SCAPER: variants seen among roughly 807,000 people sequenced by gnomAD.
SCAPER encodes S phase cyclin A-associated protein in the endoplasmic reticulum.
In SCAPER, 98 loss-of-function variants were observed where a neutral mutation model predicts 182.2. The observed-to-expected ratio is 0.54, with a 90% confidence interval of 0.46 to 0.64. The LOEUF is 0.64. Among genes scored for constraint, SCAPER ranks in the 30% least tolerant of loss-of-function variants. The pLI, the probability that SCAPER is intolerant of heterozygous loss-of-function variation, is 0.00. For synonymous variants in SCAPER, 605 were observed against 564.6 expected (o/e 1.07, Z -1.01); for missense variants, 1,432 against 1,690.0 (o/e 0.85, Z 2.68).
rs2065804798 is a variant in SCAPER at position 76,801,679 on chromosome 15, G to A, written c.495-1315C>T. ...CCATTCCTGTAATCCCAGCACTTTG[G>A]GAGGCCAAGGAGGGCAGATCACTCG... On this transcript the variant is annotated intron_variant, in intron 6 of 31. Transcript: ENST00000563290. Among the ~76,000 whole-genome samples the A allele has an allele frequency of 4.0e-5, 6 of 151,898 alleles. No individual in the cohort carries two copies. The South Asian group carries it at 1.3e-3, about 32-fold the overall frequency.
At chr15:76,577,637 C>A (rs1426573178) in intron 22 of SCAPER, among the ~76,000 whole-genome samples, 1 of 151,988 alleles carries the variant, frequency 6.6e-6, no homozygotes, top group Non-Finnish European at 1.5e-5. Context: ...AAGACCCAGT[C>A]CTGGAAGGAT....
chr15:76,506,749 A>G (rs1441982756), intron 23 of SCAPER, among the ~76,000 whole-genome samples: 2 of 152,172 alleles, frequency 1.3e-5, no homozygotes, highest in Non-Finnish European at 2.9e-5. Flanking sequence ...CTCTACTAGA[A>G]TATTTGTCTT....
At chr15:76,640,297 A>C (rs188921650) in intron 21 of SCAPER, among the ~76,000 whole-genome samples, 11 of 152,368 alleles carry the variant, frequency 7.2e-5, no homozygotes, top group Admixed American at 5.2e-4. Context: ...AGTTTAGAAC[A>C]TAGATTACAA....
chr15:76,376,691 A>G (rs968809236), intron 28 of SCAPER, among the ~76,000 whole-genome samples: 1 of 152,220 alleles, frequency 6.6e-6, no homozygotes, highest in Non-Finnish European at 1.5e-5. Flanking sequence ...CCATTTAGCT[A>G]AATTCCAACA....
Position 76,774,836 on chromosome 15 carries a change from G to C in SCAPER, c.1035+19C>G. The C allele has an allele frequency of 3.1e-6, 5 of 1,594,492 alleles. No individual in the cohort carries two copies. Among genetic ancestry groups the C allele is most frequent in the Non-Finnish European group, 4.3e-6 (5 of 1,170,682 alleles). On this transcript the variant is annotated intron_variant, in intron 9 of 31. Coordinates refer to ENST00000563290, the MANE Select transcript of SCAPER (RefSeq NM_020843.4). ...ACACCTTTGAAAAAGACAGTAAAAGGATTTTCAGAATGTACTACCTGGGTT... is the reference window on the plus strand; with the variant it reads ...ACACCTTTGAAAAAGACAGTAAAAGCATTTTCAGAATGTACTACCTGGGTT...
intron 8 of SCAPER, among the ~76,000 whole-genome samples, chr15:76,780,098 G>A (rs138221946): frequency 6.6e-6 from 1 of 152,340 alleles, no homozygotes; most frequent in Non-Finnish European, 1.5e-5. Context: ...GAAATACAAG[G>A]GATCCAGGGA....
At chr15:76,559,199 T>TC in intron 23 of SCAPER, among the ~76,000 whole-genome samples, 1 of 81,598 alleles carries the variant, frequency 1.2e-5, no homozygotes, top group African/African-American at 4.0e-5. Flanking sequence ...CACACCCAGC[T>TC]AATTTTTTTT....
At chr15:76,573,691 T>A in intron 23 of SCAPER, among the ~76,000 whole-genome samples, 1 of 152,128 alleles carries the variant, frequency 6.6e-6, no homozygotes, top group South Asian at 2.1e-4. Flanking sequence ...AATAAATACT[T>A]TAAAAATCAC....
At chr15:76,349,606 C>G in intron 31 of SCAPER, 1 of 151,104 alleles carries the variant, frequency 6.6e-6, no homozygotes, top group East Asian at 1.9e-4. Flanking sequence ...TTAATCTAGG[C>G]AAAAGGGGAA....
At chr15:76,850,871 A>G (rs1444753069) in intron 4 of SCAPER, among the ~76,000 whole-genome samples, 2 of 151,578 alleles carry the variant, frequency 1.3e-5, no homozygotes, top group Non-Finnish European at 2.9e-5. Flanking sequence ...AAAAAAAAAA[A>G]AAAAAAGAAA....
chr15:76,700,353 GC>G (rs1858947025), intron 20 of SCAPER, among the ~76,000 whole-genome samples: 2 of 152,274 alleles, frequency 1.3e-5, no homozygotes, highest in East Asian at 3.9e-4. Context: ...ACCTCTCCAA[GC>G]AATTCTCCCT....
intron 2 of SCAPER, among the ~76,000 whole-genome samples, chr15:76,865,425 G>A (rs1176270923): frequency 2.0e-5 from 3 of 151,978 alleles, no homozygotes; most frequent in African/African-American, 4.8e-5. Context: ...GGTATAGTAG[G>A]GTCAAAATCC....
Position 76,674,159 on chromosome 15 carries a change from G to A in SCAPER, c.2509-8370C>T, listed in dbSNP as rs969569131. 4.6e-5 allele frequency among the ~76,000 whole-genome samples: 7 copies of A among 152,208 alleles called. No individual in the cohort carries two copies. In the East Asian group the frequency reaches 1.3e-3, roughly 29 times the overall value. On this transcript the variant is annotated intron_variant, in intron 20 of 31. Transcript: ENST00000563290. ...TATAAATGTATTACAAATAATAAAT[G>A]AAAATGAAATGCAGAACTGGAATAT...
At chr15:76,585,796 C>T (rs1387276524) in intron 22 of SCAPER, among the ~76,000 whole-genome samples, 1 of 152,134 alleles carries the variant, frequency 6.6e-6, no homozygotes, top group Non-Finnish European at 1.5e-5. Context: ...AAGAAAAAAG[C>T]ACTAGATTTT....
At chr15:76,704,616 C>G (rs1184579311) in intron 18 of SCAPER, among the ~76,000 whole-genome samples, 2 of 151,954 alleles carry the variant, frequency 1.3e-5, no homozygotes, top group Non-Finnish European at 2.9e-5. Flanking sequence ...TCAGGTTTGT[C>G]AAAGATCAGA....
intron 25 of SCAPER, among the ~76,000 whole-genome samples, chr15:76,449,392 G>GAA (rs1470495904): frequency 6.6e-6 from 1 of 152,158 alleles, no homozygotes; most frequent in Non-Finnish European, 1.5e-5. Context: ...CTTTGCCCTA[G>GAA]AAAGTCTCTC....
chr15:76,461,729 CTG>C (rs1415020638), intron 25 of SCAPER, among the ~76,000 whole-genome samples: 1 of 152,140 alleles, frequency 6.6e-6, no homozygotes, highest in Non-Finnish European at 1.5e-5. Context: ...GGATTGGCCT[CTG>C]TTAATTGCCT....
chr15:76,658,763 C>A (rs748123243), intron 21 of SCAPER, among the ~76,000 whole-genome samples: 1 of 152,058 alleles, frequency 6.6e-6, no homozygotes, highest in Non-Finnish European at 1.5e-5. Flanking sequence ...AGAAAAAATG[C>A]CGCACACCTG....
chr15:76,358,117 T>A (rs1451133349), intron 29 of SCAPER, among the ~76,000 whole-genome samples: 1 of 152,242 alleles, frequency 6.6e-6, no homozygotes, highest in East Asian at 1.9e-4. Context: ...CACATAAAAA[T>A]AAATCAGTAA....
Sources: gnomAD v4.1 joint callset for allele counts (sites outside exome capture counted in the v4.1 genomes callset) on GRCh38, gnomAD v4.1.1 for gene constraint, MANE v1.5 for transcripts, NCBI Gene and HGNC (gene_info 2026-07-23, HGNC 2026-07-21) for gene names.